The following FBXO42 variants were observed in gnomAD, a reference collection of about 807,000 sequenced individuals.
FBXO42 encodes F-box only protein 42.
In FBXO42, 12 loss-of-function variants were observed where a neutral mutation model predicts 71.7. That is an observed-to-expected ratio of 0.17 (90% CI 0.11 to 0.27). The LOEUF is 0.27. Ranked by LOEUF, FBXO42 falls within the 10% of genes least tolerant of loss-of-function variation. FBXO42 has a pLI of 1.00. For synonymous variants in FBXO42, 325 were observed against 327.5 expected (o/e 0.99, Z 0.08); for missense variants, 707 against 911.9 (o/e 0.78, Z 2.89).
rs1316578192 is a variant in FBXO42, at chr1:16,339,494, G to A, written c.-18+12761C>T. Reference sequence around the variant, plus strand: ...CGCCCAGCTAATTTTTGTATTTTCAGTAGAGACAGAGTTTCACCATGTTGG... The same window carrying A: ...CGCCCAGCTAATTTTTGTATTTTCAATAGAGACAGAGTTTCACCATGTTGG... On this transcript the variant is annotated intron_variant, in intron 1 of 9. Transcript: ENST00000375592. Among the ~76,000 whole-genome samples the A allele has an allele frequency of 3.3e-5, 5 of 151,808 alleles. No individual in the cohort carries two copies. The East Asian group carries it at 9.8e-4, about 30-fold the overall frequency.
intron 3 of FBXO42, among the ~76,000 whole-genome samples, chr1:16,296,966 T>A (rs2082137388): frequency 1.7e-5 from 2 of 115,112 alleles, no homozygotes; most frequent in Admixed American, 1.3e-4. Context: ...TGAGACAGAG[T>A]CTTGCTGTGT....
At chr1:16,283,270 C>A (rs1211886909) in intron 4 of FBXO42, among the ~76,000 whole-genome samples, 1 of 152,126 alleles carries the variant, frequency 6.6e-6, no homozygotes, top group Non-Finnish European at 1.5e-5. Flanking sequence ...TCTTCGAGTG[C>A]ATTTTTCTAA....
chr1:16,257,007 A>G (rs545366307), intron 4 of FBXO42, among the ~76,000 whole-genome samples: 1 of 152,334 alleles, frequency 6.6e-6, no homozygotes, highest in South Asian at 2.1e-4. Context: ...TCATGTTTAT[A>G]ATTTGCTCAC....
chr1:16,252,995 C>T lies in FBXO42; in HGVS notation c.921+101G>A. On this transcript the variant is annotated intron_variant, in intron 8 of 9. Coordinates refer to ENST00000375592, the MANE Select transcript of FBXO42 (RefSeq NM_018994.3). This position sits in a 1 kb window ranked among gnomAD's most constrained non-coding sequence, Gnocchi z 4.4. The stretch of plus-strand genomic sequence containing the variant: ...AAAAGCATTCCTTAAATTAAAATGC[C>T]ATGGAAATAGTCTTGTATACTCCTA... The T allele has an allele frequency of 1.0e-6, 1 of 982,794 alleles. No homozygotes were observed. Among genetic ancestry groups the T allele is most frequent in the Non-Finnish European group, 1.5e-6 (1 of 670,188 alleles). The allele number at this position is 982,794 out of a possible 1,614,324, so 60.9% of individuals were successfully genotyped here.
chr1:16,317,514 T>C (rs1299619430), intron 1 of FBXO42, among the ~76,000 whole-genome samples: 1 of 151,946 alleles, frequency 6.6e-6, no homozygotes, highest in East Asian at 1.9e-4. Context: ...GAGAATCACT[T>C]GAACCTGGGA....
intron 4 of FBXO42, among the ~76,000 whole-genome samples, chr1:16,259,279 A>C (rs957123364): frequency 6.6e-6 from 1 of 152,242 alleles, no homozygotes; most frequent in Non-Finnish European, 1.5e-5. Context: ...AATTTGTGAA[A>C]TACCAGACAA....
At chr1:16,298,752 C>T (rs2082157828) in intron 3 of FBXO42, among the ~76,000 whole-genome samples, 2 of 152,084 alleles carry the variant, frequency 1.3e-5, no homozygotes, top group African/African-American at 4.8e-5. Context: ...TCAGGTGATC[C>T]GCTCGCCTCG....
Position 16,251,554 on chromosome 1 carries a change from G to A in FBXO42, c.1270C>T (p.Arg424Trp), listed in dbSNP as rs141160805. The A allele has an allele frequency of 8.1e-6, 13 of 1,613,962 alleles. No individual in the cohort carries two copies. The highest frequency in any genetic ancestry group is 6.7e-5 in the African/African-American group (5 of 74,906). The change falls in exon 10 of 10, where the codon CGG becomes TGG. Residue 424 changes from arginine to tryptophan, a missense_variant. Transcript: ENST00000375592. This position sits in a 1 kb window ranked among gnomAD's most constrained non-coding sequence, Gnocchi z 4.5. ...CTGGCTGGGGAAAGGCTCCCTTCCC[G>A]GGAACCTGAAGGAGTCTGCCTTTGA... ...RAQRQTPSGS[R>W]EGSLSPARGD...
intron 1 of FBXO42, among the ~76,000 whole-genome samples, chr1:16,329,549 A>G (rs2082478773): frequency 6.6e-6 from 1 of 151,896 alleles, no homozygotes; most frequent in Non-Finnish European, 1.5e-5. Context: ...GCACCACTGC[A>G]CTCCAGCCTG....
chr1:16,338,367 A>G (rs12091661), intron 1 of FBXO42, among the ~76,000 whole-genome samples: 26,184 of 149,984 alleles, frequency 0.17, 2,710 homozygotes, highest in Non-Finnish European at 0.22. Context: ...AAAAAAAAAA[A>G]AAAAAAAAAG....
At chr1:16,337,072 A>G (rs2100621886) in intron 1 of FBXO42, among the ~76,000 whole-genome samples, 1 of 152,360 alleles carries the variant, frequency 6.6e-6, no homozygotes, top group African/African-American at 2.4e-5. Flanking sequence ...TTCAGCTAAG[A>G]GTGCACAGCA....
At chr1:16,260,088 G>A (rs2081694473) in intron 4 of FBXO42, among the ~76,000 whole-genome samples, 1 of 152,090 alleles carries the variant, frequency 6.6e-6, no homozygotes, top group South Asian at 2.1e-4. Flanking sequence ...AAGTAGCAGG[G>A]ATAGATGAAT....
intron 1 of FBXO42, among the ~76,000 whole-genome samples, chr1:16,326,683 C>CA (rs397860543): frequency 0.015 from 1,544 of 103,016 alleles, 23 homozygotes; most frequent in African/African-American, 0.043. Flanking sequence ...AACCCTGTCT[C>CA]AAAAAAAAAA....
intron 2 of FBXO42, among the ~76,000 whole-genome samples, chr1:16,311,169 CTCCG>C (rs1188246066): frequency 1.4e-5 from 2 of 145,396 alleles, no homozygotes; most frequent in Non-Finnish European, 3.0e-5. Flanking sequence ...CAGAGTGAGA[CTCCG>C]TCTCAAAAAA....
Position 16,250,555 on chromosome 1 carries a change from TAA to T in FBXO42, c.*113_*114del, listed in dbSNP as rs2081580948. 8.1e-7 allele frequency: 1 copy of T among 1,230,476 alleles called. No homozygotes were observed. The highest frequency in any genetic ancestry group is 1.1e-6 in the Non-Finnish European group (1 of 894,396). The allele number at this position is 1,230,476 out of a possible 1,614,324, so 76.2% of individuals were successfully genotyped here. A position where few individuals can be genotyped will look rare whatever the true frequency, so the allele number is the denominator to read the frequency against. ...GCCTGGAGTGACTTCGGTTGGGAAT[TAA>T]AGAGTTTTGGCTTCTGGGAGTAATT... is the stretch of plus-strand genomic sequence containing the variant. On this transcript the variant is annotated 3_prime_UTR_variant, in exon 10 of 10. Transcript: ENST00000375592. This position sits in a 1 kb window ranked among gnomAD's most constrained non-coding sequence, Gnocchi z 4.7.
chr1:16,255,262 A>G (rs1485042200), intron 6 of FBXO42, among the ~76,000 whole-genome samples: 1 of 152,202 alleles, frequency 6.6e-6, no homozygotes, highest in Non-Finnish European at 1.5e-5. Context: ...TTAAGGGATT[A>G]AAGAACAGAA....
chr1:16,256,025 C>T (rs545206042), intron 5 of FBXO42, among the ~76,000 whole-genome samples: 15 of 152,266 alleles, frequency 9.9e-5, no homozygotes, highest in African/African-American at 3.4e-4. Context: ...TGAATGTAAA[C>T]GGTCTGGAGG....
intron 3 of FBXO42, among the ~76,000 whole-genome samples, chr1:16,303,141 G>A (rs2100549232): frequency 6.6e-6 from 1 of 152,344 alleles, no homozygotes; most frequent in African/African-American, 2.4e-5. Context: ...TGTGGCTGAA[G>A]TCTGGCTACC....
At position 16,280,957 on chromosome 1, in the gene FBXO42, GTTTGTT is replaced by G. The variant is rs901401243; in HGVS notation, c.502+13820_502+13825del. Among the ~76,000 whole-genome samples the G allele has an allele frequency of 7.9e-5, 12 of 152,110 alleles. No individual in the cohort carries two copies. The South Asian group carries it at 1.0e-3, about 13-fold the overall frequency. ...TGGTTTCCTCACTTGTTGTGTGTGT[GTTTGTT>G]TTTGTTTTTGTTTTTGAGACAGAGT... On this transcript the variant is annotated intron_variant, in intron 4 of 9. Transcript: ENST00000375592.
Sources: allele counts gnomAD v4.1 joint callset (sites outside exome capture counted in the v4.1 genomes callset), GRCh38; gene constraint gnomAD v4.1.1; non-coding constraint Gnocchi (gnomAD v3.1); transcripts MANE v1.5; gene names NCBI Gene and HGNC (gene_info 2026-07-23, HGNC 2026-07-21).